Variants in CACNA1A observed in about 807,000 individuals in gnomAD.
The protein encoded by CACNA1A is calcium voltage-gated channel subunit alpha1 A.
A neutral mutation model predicts 262.4 loss-of-function variants in CACNA1A; 57 were observed. The ratio of observed to expected loss-of-function variants is 0.22; its 90% CI spans 0.18 to 0.27. The LOEUF (loss-of-function observed/expected upper bound fraction) is 0.27. Among genes scored for constraint, CACNA1A ranks in the 10% least tolerant of loss-of-function variants. The probability of loss-of-function intolerance (pLI) is 1.00; values close to 1 mark genes in which losing one functional copy is unlikely to be tolerated. For missense variants in CACNA1A, 2,526 were observed against 3,562.8 expected (o/e 0.71, Z 7.41); for synonymous variants, 1,431 against 1,419.3 (o/e 1.01, Z -0.18).
intron 24 of CACNA1A, among the ~76,000 whole-genome samples, chr19:13,266,652 C>A (rs923297358): frequency 6.6e-6 from 1 of 152,196 alleles, no homozygotes; most frequent in Non-Finnish European, 1.5e-5. Context: ...CAGCTCACTG[C>A]AACCTCCACC....
chr19:13,375,053 C>G (rs993670881), intron 3 of CACNA1A, among the ~76,000 whole-genome samples: 3 of 152,046 alleles, frequency 2.0e-5, no homozygotes, highest in African/African-American at 7.2e-5. Flanking sequence ...TTGTGGCAAC[C>G]CTGTGTCAAG....
intron 10 of CACNA1A, among the ~76,000 whole-genome samples, chr19:13,325,624 A>G (rs974881268): frequency 6.6e-6 from 1 of 152,170 alleles, no homozygotes; most frequent in Non-Finnish European, 1.5e-5. Context: ...TATTAGAGAC[A>G]AAGTTTCGCC....
At chr19:13,384,890 G>C (rs2059583781) in intron 3 of CACNA1A, among the ~76,000 whole-genome samples, 1 of 152,100 alleles carries the variant, frequency 6.6e-6, no homozygotes, top group South Asian at 2.1e-4. Context: ...AACAAGAGGA[G>C]AAGAACTGGA....
intron 3 of CACNA1A, among the ~76,000 whole-genome samples, chr19:13,396,231 C>G (rs2059809045): frequency 6.6e-6 from 1 of 152,220 alleles, no homozygotes; most frequent in Admixed American, 6.5e-5. Flanking sequence ...CATTTCAGAG[C>G]TGAACTTGAA....
intron 38 of CACNA1A, among the ~76,000 whole-genome samples, chr19:13,220,466 C>T (rs529376742): frequency 6.6e-6 from 1 of 152,246 alleles, no homozygotes; most frequent in East Asian, 1.9e-4. Context: ...AAAACAAGAC[C>T]TCAGTCCTAC....
intron 24 of CACNA1A, among the ~76,000 whole-genome samples, chr19:13,270,976 G>A (rs1274960235): frequency 1.3e-5 from 2 of 152,138 alleles, no homozygotes; most frequent in Non-Finnish European, 2.9e-5. Flanking sequence ...TCCCTATCCA[G>A]ATCCTTTTCT....
intron 38 of CACNA1A, among the ~76,000 whole-genome samples, chr19:13,219,197 A>G (rs897656686): frequency 1.4e-5 from 2 of 147,982 alleles, no homozygotes; most frequent in Admixed American, 6.8e-5. Context: ...GCCAGCCACC[A>G]CGCCTGGCTA....
intron 28 of CACNA1A, chr19:13,257,112 T>C (rs938684866): frequency 8.8e-6 from 3 of 339,588 alleles, no homozygotes; most frequent in Non-Finnish European, 1.6e-5. Context: ...GGCAATGAAA[T>C]CTGGGGTTGC....
At chr19:13,422,525 T>C (rs2060333553) in intron 3 of CACNA1A, among the ~76,000 whole-genome samples, 2 of 152,218 alleles carry the variant, frequency 1.3e-5, no homozygotes, top group South Asian at 2.1e-4. Context: ...ACTCTGCATA[T>C]TCCAAAGGAA....
Position 13,286,645 on chromosome 19 carries a change from G to A in CACNA1A, c.3411C>T (p.Pro1137=), listed in dbSNP as rs770525318. 1 of 1,541,298 alleles carries A rather than the reference G, an allele frequency of 6.5e-7. No homozygotes were observed. The highest frequency in any genetic ancestry group is 2.0e-5 in the Admixed American group (1 of 50,196). ...NPGNPSNPGP[P]KTPENSLIVT... ...CGATAAGGCTATTCTCGGGGGTCTTGGGGGGGCCGGGATTGGATGGGTTCC... is the reference window on the plus strand; with the variant it reads ...CGATAAGGCTATTCTCGGGGGTCTTAGGGGGGCCGGGATTGGATGGGTTCC... Residue 1137 remains proline, a synonymous_variant, in exon 20 of 47, where the codon CCC becomes CCT. Coordinates refer to ENST00000360228, the MANE Select transcript of CACNA1A (RefSeq NM_001127222.2).
At chr19:13,294,959 C>A (rs1274453173) in intron 19 of CACNA1A, among the ~76,000 whole-genome samples, 1 of 152,180 alleles carries the variant, frequency 6.6e-6, no homozygotes, top group Non-Finnish European at 1.5e-5. Flanking sequence ...TCATGTCCTG[C>A]AAACTGGCCT....
chr19:13,474,536 T>C (rs1204020140), intron 1 of CACNA1A, among the ~76,000 whole-genome samples: 3 of 152,096 alleles, frequency 2.0e-5, no homozygotes, highest in Admixed American at 6.5e-5. Flanking sequence ...TGCAAAGAGT[T>C]TGCCAGGTGT....
chr19:13,354,568 G>A (rs1208592062), intron 6 of CACNA1A, among the ~76,000 whole-genome samples: 1 of 152,188 alleles, frequency 6.6e-6, no homozygotes. Context: ...TTGTTTTAGG[G>A]GTAGAGAGAG....
chr19:13,296,761 T>G (rs2144941783), intron 19 of CACNA1A, among the ~76,000 whole-genome samples: 1 of 152,232 alleles, frequency 6.6e-6, no homozygotes, highest in Non-Finnish European at 1.5e-5. Context: ...TTTTCTTTAT[T>G]TTTTATTTTA....
intron 24 of CACNA1A, among the ~76,000 whole-genome samples, chr19:13,266,225 A>T (rs2900850): frequency 0.43 from 64,096 of 150,726 alleles, 15,117 homozygotes; most frequent in South Asian, 0.61. Context: ...CTTTTTTTTT[A>T]TTTAAATTAA....
At chr19:13,383,040 G>A (rs1215712405) in intron 3 of CACNA1A, among the ~76,000 whole-genome samples, 1 of 152,226 alleles carries the variant, frequency 6.6e-6, no homozygotes, top group Non-Finnish European at 1.5e-5. Flanking sequence ...TGGGCGGGGT[G>A]AGGGGCAACG....
At position 13,212,905 on chromosome 19, in the gene CACNA1A, T is replaced by C. The variant is rs2054870842; in HGVS notation, c.5941-165A>G. Reference sequence around the variant, plus strand: ...CAATTCCACGCAGAACTGGACCACTTCTCACTCCTCCACCCAAGTCATAGC... The same window carrying C: ...CAATTCCACGCAGAACTGGACCACTCCTCACTCCTCCACCCAAGTCATAGC... On this transcript the variant is annotated intron_variant, in intron 40 of 46. Transcript: ENST00000360228. The surrounding 1 kb of genome is among the most constrained non-coding windows in gnomAD (Gnocchi z 5.6). 6.6e-6 allele frequency among the ~76,000 whole-genome samples: 1 copy of C among 151,788 alleles called. No homozygotes were observed. The highest frequency in any genetic ancestry group is 1.5e-5 in the Non-Finnish European group (1 of 67,930).
At chr19:13,242,461 A>G (rs1394753635) in intron 31 of CACNA1A, among the ~76,000 whole-genome samples, 1 of 151,834 alleles carries the variant, frequency 6.6e-6, no homozygotes, top group East Asian at 1.9e-4. Flanking sequence ...GTGCCCGGCT[A>G]ATTTTTGTAT....
chr19:13,328,062 CTAAGTT>C (rs1490828350), intron 10 of CACNA1A, among the ~76,000 whole-genome samples: 1 of 151,850 alleles, frequency 6.6e-6, no homozygotes, highest in African/African-American at 2.4e-5. Context: ...TAATGCCTGG[CTAAGTT>C]TTTCAACATT....
Sources: allele counts gnomAD v4.1 joint callset (sites outside exome capture counted in the v4.1 genomes callset), GRCh38; gene constraint gnomAD v4.1.1; non-coding constraint Gnocchi (gnomAD v3.1); transcripts MANE v1.5; gene names NCBI Gene and HGNC (gene_info 2026-07-23, HGNC 2026-07-21).